Variants in TCAIM observed in about 807,000 individuals in gnomAD.
TCAIM encodes T-cell activation inhibitor, mitochondrial.
Under a neutral mutation model 58.6 loss-of-function variants are expected in TCAIM, and 36 were observed. The observed-to-expected ratio is 0.61, with a 90% CI of 0.47 to 0.81. The LOEUF (loss-of-function observed/expected upper bound fraction) is 0.81, where lower values mean the gene tolerates loss of function less well. Among genes scored for constraint, TCAIM ranks in the 30% least tolerant of loss-of-function variants. The pLI, the probability that TCAIM is intolerant of heterozygous loss-of-function variation, is 0.00. For synonymous variants in TCAIM, 172 were observed against 193.6 expected (o/e 0.89, Z 0.93); for missense variants, 466 against 579.6 (o/e 0.80, Z 2.01).
At chr3:44,350,475 C>A (rs1304371272) in intron 1 of TCAIM, among the ~76,000 whole-genome samples, 1 of 151,816 alleles carries the variant, frequency 6.6e-6, no homozygotes, top group Non-Finnish European at 1.5e-5. Context: ...CTCTGTCTCC[C>A]AGGCTGGAGT....
intron 8 of TCAIM, among the ~76,000 whole-genome samples, chr3:44,398,278 T>A (rs910290754): frequency 2.0e-5 from 3 of 151,554 alleles, no homozygotes; most frequent in African/African-American, 4.9e-5. Context: ...TAAAAAAAAA[T>A]AAAAAGCCGG....
intron 3 of TCAIM, chr3:44,358,411 T>C (rs1701239757): frequency 1.6e-6 from 1 of 615,614 alleles, no homozygotes; most frequent in Non-Finnish European, 2.8e-6. Context: ...TTCATATCCA[T>C]GGGTTTTACA....
intron 5 of TCAIM, among the ~76,000 whole-genome samples, chr3:44,378,121 C>T (rs1239131849): frequency 1.3e-5 from 2 of 152,152 alleles, no homozygotes; most frequent in Non-Finnish European, 2.9e-5. Context: ...TGGCTCACAC[C>T]TGTAATCCCA....
intron 5 of TCAIM, among the ~76,000 whole-genome samples, chr3:44,383,113 A>T (rs1188199377): frequency 6.6e-6 from 1 of 152,236 alleles, no homozygotes; most frequent in Non-Finnish European, 1.5e-5. Flanking sequence ...GTTTGAAGAA[A>T]CTGGAACCCT....
chr3:44,375,418 A>G (rs1575260017), intron 5 of TCAIM, among the ~76,000 whole-genome samples: 2 of 152,184 alleles, frequency 1.3e-5, no homozygotes, highest in Admixed American at 1.3e-4. Flanking sequence ...GAGGAAAAAA[A>G]GAGAGGAGGA....
rs764186369 is a variant in TCAIM at position 44,407,549 on chromosome 3, G to A, written c.1358G>A (p.Cys453Tyr). 1 of 1,613,854 alleles carries A rather than the reference G, an allele frequency of 6.2e-7. No homozygotes were observed. ...TCTAGTATACAAATGGTGGATTGTT[G>A]TAAGAGACTTCTAGAACAATCACTG... ...SISSIQMVDC[C>Y]KRLLEQSLPY... is the part of the protein sequence containing the mutation. Residue 453 changes from cysteine to tyrosine, a missense_variant, in exon 11 of 11, where the codon TGT becomes TAT. Cys to Tyr is a radical substitution (Grantham distance 194, BLOSUM62 -2). Transcript: ENST00000342649.
intron 5 of TCAIM, among the ~76,000 whole-genome samples, chr3:44,372,399 A>G (rs1040905269): frequency 6.6e-6 from 1 of 152,168 alleles, no homozygotes; most frequent in African/African-American, 2.4e-5. Flanking sequence ...TTTTGGCCAT[A>G]TGCAGTTTAA....
intron 5 of TCAIM, among the ~76,000 whole-genome samples, chr3:44,390,119 C>T (rs1207277112): frequency 1.3e-5 from 2 of 152,084 alleles, no homozygotes; most frequent in Non-Finnish European, 2.9e-5. Context: ...ATGTGTCTTC[C>T]TTTAAAACAG....
chr3:44,374,189 T>C (rs981091161), intron 5 of TCAIM, among the ~76,000 whole-genome samples: 8 of 152,162 alleles, frequency 5.3e-5, no homozygotes, highest in African/African-American at 1.7e-4. Flanking sequence ...TATTTACTCT[T>C]CCCTTTGTTT....
intron 3 of TCAIM, among the ~76,000 whole-genome samples, chr3:44,360,888 A>T (rs1559565514): frequency 6.6e-6 from 1 of 152,224 alleles, no homozygotes; most frequent in Admixed American, 6.5e-5. Flanking sequence ...GATTATAGAC[A>T]TGAGCCACCA....
chr3:44,403,578 C>T (rs539533565), intron 10 of TCAIM, among the ~76,000 whole-genome samples: 12 of 152,280 alleles, frequency 7.9e-5, no homozygotes, highest in African/African-American at 2.9e-4. Context: ...TATAACCTAT[C>T]GGCTGCTTTT....
rs184026188 is a variant in TCAIM, at chr3:44,396,220, C to T, written c.696-180C>T. Among the ~76,000 whole-genome samples, 65 of 152,260 alleles carry T rather than the reference C, an allele frequency of 4.3e-4. No individual in the cohort carries two copies. The East Asian group carries it at 7.9e-3, about 18-fold the overall frequency. On this transcript the variant is annotated intron_variant, in intron 6 of 10. Coordinates refer to ENST00000342649, the MANE Select transcript of TCAIM (RefSeq NM_173826.4). ...GCCCTCTGGTAAACAATTCATTTTCCATTTGGTTGCTTTTTTAAAAATTAG... is the reference window on the plus strand; with the variant it reads ...GCCCTCTGGTAAACAATTCATTTTCTATTTGGTTGCTTTTTTAAAAATTAG...
intron 5 of TCAIM, among the ~76,000 whole-genome samples, chr3:44,384,439 GATA>G (rs1164079509): frequency 2.6e-5 from 4 of 152,162 alleles, no homozygotes; most frequent in African/African-American, 9.7e-5. Context: ...GTACACATTA[GATA>G]ATAAAAGACT....
Position 44,374,733 on chromosome 3 carries a change from C to G in TCAIM, c.572+7025C>G, listed in dbSNP as rs1336639374. On this transcript the variant is annotated intron_variant, in intron 5 of 10. Transcript: ENST00000342649. ...CCATGATCACACCACTGTACCCCAG[C>G]CTGGGTGACAGAGTGAGACCCTGTC... Among the ~76,000 whole-genome samples the G allele has an allele frequency of 2.0e-5, 3 of 152,164 alleles. No homozygotes were observed. In the East Asian group the frequency reaches 5.8e-4, roughly 29 times the overall value.
At chr3:44,370,908 ATT>A (rs56982688) in intron 5 of TCAIM, among the ~76,000 whole-genome samples, 20 of 123,206 alleles carry the variant, frequency 1.6e-4, no homozygotes, top group Admixed American at 1.7e-4. Context: ...TACCTGGCTA[ATT>A]TTTTTTTTTT....
chr3:44,341,850 C>G (rs1700860713), intron 1 of TCAIM, among the ~76,000 whole-genome samples: 1 of 152,138 alleles, frequency 6.6e-6, no homozygotes, highest in Non-Finnish European at 1.5e-5. Flanking sequence ...CCTGAAAACA[C>G]ATACACAAAG....
intron 1 of TCAIM, among the ~76,000 whole-genome samples, chr3:44,342,974 T>G (rs1700885215): frequency 6.6e-6 from 1 of 151,862 alleles, no homozygotes; most frequent in Admixed American, 6.6e-5. Context: ...CCATCTCTAC[T>G]AAAAATACAA....
rs1701159067 is a variant in TCAIM, at chr3:44,354,769, A to G, written c.-14A>G. On this transcript the variant is annotated 5_prime_UTR_variant, in exon 2 of 11. Coordinates refer to ENST00000342649, the MANE Select transcript of TCAIM (RefSeq NM_173826.4). ...AATGGATGCCTCGAAGTTGACGTAC[A>G]TATATATTCAGAAATGTTTTGCCAC... is the stretch of plus-strand genomic sequence containing the variant. The G allele has an allele frequency of 3.1e-6, 5 of 1,608,956 alleles. No individual in the cohort carries two copies. Among genetic ancestry groups the G allele is most frequent in the South Asian group, 2.2e-5 (2 of 89,624 alleles).
chr3:44,359,363 C>T (rs1232573709), intron 3 of TCAIM: 2 of 152,394 alleles, frequency 1.3e-5, no homozygotes, highest in Admixed American at 1.3e-4. Context: ...AGCTCTGAGC[C>T]CCTGGATAGG....
Sources: allele counts gnomAD v4.1 joint callset (sites outside exome capture counted in the v4.1 genomes callset), GRCh38; gene constraint gnomAD v4.1.1; transcripts MANE v1.5; gene names NCBI Gene and HGNC (gene_info 2026-07-23, HGNC 2026-07-21).